The following ASAP1 variants were observed in gnomAD, a reference collection of about 807,000 sequenced individuals.
The protein encoded by ASAP1 is arf-GAP with SH3 domain, ANK repeat and PH domain-containing protein 1.
In ASAP1, 43 loss-of-function variants were observed where a neutral mutation model predicts 145.2. The ratio of observed to expected loss-of-function variants is 0.30; its 90% CI spans 0.23 to 0.38. ASAP1 has a LOEUF of 0.38. Among genes scored for constraint, ASAP1 ranks in the 10% least tolerant of loss-of-function variants. The pLI is 1.00. For synonymous variants in ASAP1, 546 were observed against 515.5 expected (o/e 1.06, Z -0.80); for missense variants, 1,018 against 1,355.3 (o/e 0.75, Z 3.91).
At chr8:130,110,063 T>A (rs2097544186) in intron 24 of ASAP1, among the ~76,000 whole-genome samples, 1 of 152,196 alleles carries the variant, frequency 6.6e-6, no homozygotes, top group African/African-American at 2.4e-5. Flanking sequence ...CTAAATAAAT[T>A]TAGTCTTTGT....
In ASAP1 at chr8:130,357,175, GA is replaced by G. The variant is rs199850931; in HGVS notation, c.186+841del. Among the ~76,000 whole-genome samples, 10 of 152,254 alleles carry G rather than the reference GA, an allele frequency of 6.6e-5. No individual in the cohort carries two copies. In the East Asian group the frequency reaches 1.7e-3, roughly 26 times the overall value. On this transcript the variant is annotated intron_variant, in intron 3 of 29. Transcript: ENST00000518721. ...TCATTAACTCACTGAAAATCCTAAAGAAAATCGATTTGGCCTTGGCCCTGCC... is the reference window on the plus strand; with the variant it reads ...TCATTAACTCACTGAAAATCCTAAAGAAATCGATTTGGCCTTGGCCCTGCC...
intron 5 of ASAP1, among the ~76,000 whole-genome samples, chr8:130,208,178 A>T (rs1453867692): frequency 1.3e-5 from 2 of 152,186 alleles, no homozygotes; most frequent in African/African-American, 4.8e-5. Flanking sequence ...CAATAGTAAC[A>T]TCTTATATAT....
intron 14 of ASAP1, among the ~76,000 whole-genome samples, chr8:130,134,988 G>GAAA (rs1362676950): frequency 6.6e-6 from 1 of 152,198 alleles, no homozygotes; most frequent in Non-Finnish European, 1.5e-5. Flanking sequence ...GTTGCAGGAA[G>GAAA]AAAGGCTCAA....
At chr8:130,263,075 A>C (rs570119272) in intron 3 of ASAP1, among the ~76,000 whole-genome samples, 1 of 152,310 alleles carries the variant, frequency 6.6e-6, no homozygotes, top group East Asian at 1.9e-4. Context: ...ACGAATATGA[A>C]TTTACTAATA....
At chr8:130,426,847 T>A (rs1210041091) in intron 1 of ASAP1, among the ~76,000 whole-genome samples, 2 of 152,202 alleles carry the variant, frequency 1.3e-5, no homozygotes, top group African/African-American at 4.8e-5. Context: ...AAGGACTATT[T>A]GTCGTCTCAC....
chr8:130,147,965 C>T (rs1256627952), intron 13 of ASAP1, among the ~76,000 whole-genome samples: 3 of 152,218 alleles, frequency 2.0e-5, no homozygotes, highest in Non-Finnish European at 4.4e-5. Flanking sequence ...ATAAGGGCAT[C>T]TGAAGACATC....
intron 3 of ASAP1, among the ~76,000 whole-genome samples, chr8:130,257,220 A>G (rs1415645229): frequency 1.3e-5 from 2 of 152,156 alleles, no homozygotes; most frequent in Non-Finnish European, 2.9e-5. Context: ...TCCAGTCATT[A>G]TGGTACTACT....
chr8:130,087,445 A>G (rs2097496092), intron 25 of ASAP1, among the ~76,000 whole-genome samples: 1 of 152,026 alleles, frequency 6.6e-6, no homozygotes, highest in Non-Finnish European at 1.5e-5. Flanking sequence ...GCTTGAACCC[A>G]TAAGGTGGAG....
chr8:130,133,062 T>C (rs890605482), intron 15 of ASAP1, among the ~76,000 whole-genome samples: 2 of 151,814 alleles, frequency 1.3e-5, no homozygotes, highest in South Asian at 2.1e-4. Flanking sequence ...GAGAGGAACA[T>C]AGCATGTATT....
rs141359226 is a variant in ASAP1 at position 130,118,094 on chromosome 8, T to C, written c.1880+67A>G. 2.8e-4 allele frequency: 378 copies of C among 1,353,848 alleles called. No homozygotes were observed. The African/African-American group carries it at 4.9e-3, about 18-fold the overall frequency. The allele number at this position is 1,353,848 out of a possible 1,614,324, so 83.9% of individuals were successfully genotyped here. Reference sequence around the variant, plus strand: ...GCCAATTCCCGATCTAGGCCACTGATAGGACTGGTTTGTGTTAATTTATAA... The same window carrying C: ...GCCAATTCCCGATCTAGGCCACTGACAGGACTGGTTTGTGTTAATTTATAA... On this transcript the variant is annotated intron_variant, in intron 20 of 29. Coordinates refer to ENST00000518721, the MANE Select transcript of ASAP1 (RefSeq NM_018482.4).
At chr8:130,330,831 C>T (rs1021987427) in intron 3 of ASAP1, among the ~76,000 whole-genome samples, 3 of 152,232 alleles carry the variant, frequency 2.0e-5, no homozygotes, top group East Asian at 3.9e-4. Flanking sequence ...AAAAATGCCC[C>T]GAGCTGAAAA....
chr8:130,147,096 G>A (rs959022744), intron 13 of ASAP1, among the ~76,000 whole-genome samples: 30 of 150,610 alleles, frequency 2.0e-4, no homozygotes, highest in Admixed American at 6.0e-4. Flanking sequence ...CTGTGGTGGC[G>A]CATGCCTGTA....
chr8:130,124,065 T>C lies in ASAP1; in HGVS notation c.1555A>G (p.Met519Val), dbSNP rs1211305056. Residue 519 changes from methionine (M) to valine (V), a missense_variant, in exon 18 of 30, where the codon ATG (methionine) becomes GTG (valine). This residue lies in a region of ASAP1 where 153 missense variants were observed against 221.6 expected (regional missense o/e 0.69). Coordinates refer to ENST00000518721, the MANE Select transcript of ASAP1 (RefSeq NM_018482.4). ...NVGNNSFNDIMEANLPSPSPK... is the reference protein window; with the variant it reads ...NVGNNSFNDIVEANLPSPSPK... ...GAGGGGCTGGGTAAATTTGCTTCCA[T>C]AATATCATTAAAACTATTGTTTCCT... 1.2e-6 allele frequency: 2 copies of C among 1,607,986 alleles called. No individual in the cohort carries two copies. Among genetic ancestry groups the C allele is most frequent in the African/African-American group, 1.3e-5 (1 of 74,436 alleles).
chr8:130,260,733 G>C (rs1197149397), intron 3 of ASAP1, among the ~76,000 whole-genome samples: 1 of 152,100 alleles, frequency 6.6e-6, no homozygotes, highest in African/African-American at 2.4e-5. Context: ...GGGATCCCCA[G>C]GGTCTGTCTC....
At chr8:130,206,424 CTTAT>C (rs1195529065) in intron 5 of ASAP1, among the ~76,000 whole-genome samples, 1 of 151,126 alleles carries the variant, frequency 6.6e-6, no homozygotes, top group African/African-American at 2.4e-5. Context: ...ATCAGATATT[CTTAT>C]TTGAGGGGAA....
chr8:130,439,752 G>A (rs747077856), intron 1 of ASAP1, among the ~76,000 whole-genome samples: 3 of 152,200 alleles, frequency 2.0e-5, no homozygotes, highest in African/African-American at 4.8e-5. Flanking sequence ...GGGGAAGAAC[G>A]TAAGCAGACA....
chr8:130,165,569 T>C lies in ASAP1; in HGVS notation c.909+1967A>G, dbSNP rs570182853. 1.1e-4 allele frequency among the ~76,000 whole-genome samples: 16 copies of C among 152,302 alleles called. 1 individual carries two copies. The South Asian group carries it at 3.1e-3, about 30-fold the overall frequency. On this transcript the variant is annotated intron_variant, in intron 11 of 29. Transcript: ENST00000518721. ...TACTGGGGGTCTAATACTTGGAAAT[T>C]CTTGTAAATCACAGTCAGAGGCCTC...
At chr8:130,333,568 C>T (rs1824834061) in intron 3 of ASAP1, among the ~76,000 whole-genome samples, 1 of 152,206 alleles carries the variant, frequency 6.6e-6, no homozygotes, top group South Asian at 2.1e-4. Flanking sequence ...CGTGCCATTG[C>T]ACTCCAGCCT....
chr8:130,088,593 G>C (rs939417372), intron 25 of ASAP1, among the ~76,000 whole-genome samples: 2 of 152,120 alleles, frequency 1.3e-5, no homozygotes, highest in Non-Finnish European at 2.9e-5. Context: ...CTTCCCACAG[G>C]GCCTCTGGAG....
Sources: gnomAD v4.1 joint callset for allele counts (sites outside exome capture counted in the v4.1 genomes callset) on GRCh38, gnomAD v4.1.1 for gene constraint, gnomAD v4.1.1 regional missense constraint, MANE v1.5 for transcripts, NCBI Gene and HGNC (gene_info 2026-07-23, HGNC 2026-07-21) for gene names.